The following HP1BP3 variants were observed in gnomAD, a reference collection of about 807,000 sequenced individuals.
HP1BP3 encodes the protein heterochromatin protein 1 binding protein 3.
A neutral mutation model predicts 62.5 loss-of-function variants in HP1BP3; 12 were observed. The ratio of observed to expected loss-of-function variants is 0.19; its 90% CI spans 0.12 to 0.31. The LOEUF (loss-of-function observed/expected upper bound fraction) is 0.31, where lower values mean the gene tolerates loss of function less well. HP1BP3 is among the 10% of genes least tolerant of loss of function. The probability of loss-of-function intolerance (pLI) is 1.00; values close to 1 mark genes in which losing one functional copy is unlikely to be tolerated. For missense variants in HP1BP3, 502 were observed against 651.8 expected, an observed-to-expected ratio of 0.77 and a Z score of 2.50; for synonymous variants, 260 against 237.8, an observed-to-expected ratio of 1.09 and a Z score of -0.86.
At chr1:20,753,003 G>A (rs1401695206) in intron 9 of HP1BP3, among the ~76,000 whole-genome samples, 3 of 151,836 alleles carry the variant, frequency 2.0e-5, no homozygotes, top group African/African-American at 4.8e-5. Flanking sequence ...GTGCAGTGGC[G>A]TGATCTTGGC....
intron 6 of HP1BP3, among the ~76,000 whole-genome samples, chr1:20,769,539 G>C (rs894786496): frequency 1.3e-5 from 2 of 152,096 alleles, no homozygotes; most frequent in Admixed American, 6.6e-5. Context: ...GCCTGGGCCA[G>C]AGTGAGATCC....
At chr1:20,757,739 T>G (rs1335490249) in intron 8 of HP1BP3, among the ~76,000 whole-genome samples, 1 of 151,806 alleles carries the variant, frequency 6.6e-6, no homozygotes, top group Non-Finnish European at 1.5e-5. Flanking sequence ...AAAGACACCT[T>G]CTTCAAGGCC....
chr1:20,783,497 G>A (rs909692303), intron 1 of HP1BP3, among the ~76,000 whole-genome samples: 1 of 151,222 alleles, frequency 6.6e-6, no homozygotes, highest in Non-Finnish European at 1.5e-5. Flanking sequence ...CCAAGCCTGG[G>A]TGAAGAGTGA....
At position 20,770,919 on chromosome 1, in the gene HP1BP3, T is replaced by C. The variant is rs1467321209; in HGVS notation, c.654+11A>G. On this transcript the variant is annotated intron_variant, in intron 6 of 12. Coordinates refer to ENST00000438032, the MANE Select transcript of HP1BP3 (RefSeq NM_001372052.1). Reference sequence around the variant, plus strand: ...AATGAAATGATCTTACTACTAACAATTGTGTAATACCTGTTTGATGACTCC... The same window carrying C: ...AATGAAATGATCTTACTACTAACAACTGTGTAATACCTGTTTGATGACTCC... 8 of 1,577,294 alleles carry C rather than the reference T, an allele frequency of 5.1e-6. No individual in the cohort carries two copies. Among genetic ancestry groups the C allele is most frequent in the Middle Eastern group, 1.7e-4 (1 of 5,966 alleles).
chr1:20,755,358 A>G (rs1186470262), intron 9 of HP1BP3: 1 of 454,074 alleles, frequency 2.2e-6, no homozygotes, highest in Non-Finnish European at 4.4e-6. Context: ...ACTTCACTGA[A>G]CCCAGGAGTT....
chr1:20,776,742 T>C lies in HP1BP3; in HGVS notation c.205A>G (p.Ile69Val), dbSNP rs576646836. 25 of 1,608,220 alleles carry C rather than the reference T, an allele frequency of 1.6e-5. No individual in the cohort carries two copies. The highest frequency in any genetic ancestry group is 1.9e-5 in the Non-Finnish European group (22 of 1,177,910). Residue 69 changes from isoleucine to valine, a missense_variant, in exon 4 of 13, where the codon ATA (isoleucine) becomes GTA (valine). Ile to Val is a conservative substitution (Grantham distance 29). Transcript: ENST00000438032. The stretch of plus-strand genomic sequence containing the variant: ...GTGGAGACAGATTCCTCTGAACTTA[T>C]GTCTGGTTCTAAAAAATCAGGTGAG... ...EGEEEKPEPDISSEESVSTVE... is the reference protein window; with the variant it reads ...EGEEEKPEPDVSSEESVSTVE...
chr1:20,776,505 TA>T, intron 4 of HP1BP3, 91 bp downstream of exon 4: 1 of 1,152,848 alleles, frequency 8.7e-7, no homozygotes, highest in Non-Finnish European at 1.2e-6. Context: ...ATACCTAGCA[TA>T]AACCAATGTT....
Position 20,740,325 on chromosome 1 carries a change from T to C in HP1BP3, c.*4472A>G, listed in dbSNP as rs1188640338. Among the ~76,000 whole-genome samples the C allele has an allele frequency of 6.6e-6, 1 of 151,806 alleles. No individual in the cohort carries two copies. The highest frequency in any genetic ancestry group is 1.5e-5 in the Non-Finnish European group (1 of 68,036). ...AGTGTTAATTATACATTATATACAA[T>C]ATCAGGAAAAAAAAGAGTTGTAATT... On this transcript the variant is annotated 3_prime_UTR_variant, in exon 13 of 13. Transcript: ENST00000438032.
Position 20,779,868 on chromosome 1 carries a change from G to A in HP1BP3, c.140C>T (p.Ser47Phe), listed in dbSNP as rs763911758. ...GCTTTTGGGAGGAGTTTCCCGGGTA[G>A]AATTCACAGTTCGACGAATCGGCAT... ...STMPIRRTVN[S>F]TRETPPKSKL... Residue 47 changes from serine to phenylalanine, a missense_variant, in exon 3 of 13, where the codon TCT becomes TTT. Physicochemically the swap from Ser to Phe is radical, Grantham distance 155. This residue lies in a region of HP1BP3 where 165 missense variants were observed against 156.4 expected (regional missense o/e 1.05). Transcript: ENST00000438032. The A allele has an allele frequency of 1.9e-6, 3 of 1,613,622 alleles. No homozygotes were observed. The highest frequency in any genetic ancestry group is 3.3e-5 in the Admixed American group (2 of 59,992).
intron 6 of HP1BP3, among the ~76,000 whole-genome samples, chr1:20,768,691 T>C (rs2056906850): frequency 1.3e-5 from 2 of 151,926 alleles, no homozygotes; most frequent in South Asian, 4.2e-4. Context: ...AATACAAAAA[T>C]TAGCTGGGTG....
rs1202063267 is a variant in HP1BP3, at chr1:20,776,678, G to C, written c.269C>G (p.Ser90Trp). 3 of 1,613,676 alleles carry C rather than the reference G, an allele frequency of 1.9e-6. No individual in the cohort carries two copies. The highest frequency in any genetic ancestry group is 2.2e-5 in the East Asian group (1 of 44,864). Residue 90 changes from serine (S) to tryptophan (W), a missense_variant, in exon 4 of 13, where the codon TCG (serine) becomes TGG (tryptophan). Coordinates refer to ENST00000438032, the MANE Select transcript of HP1BP3 (RefSeq NM_001372052.1). ...EQENETPPATSSEAEQPKGEP... is the reference protein window; with the variant it reads ...EQENETPPATWSEAEQPKGEP... ...CCCCTTTGGCTGCTCTGCCTCACTC[G>C]AAGTAGCAGGTGGAGTTTCATTCTC...
At chr1:20,786,115 A>C (rs1488485594) in intron 1 of HP1BP3, 1 of 152,248 alleles carries the variant, frequency 6.6e-6, no homozygotes, top group Non-Finnish European at 1.5e-5. Flanking sequence ...ACTCTTTCTC[A>C]AAAAGGTTAA....
At chr1:20,764,195 C>T (rs2056641935) in intron 8 of HP1BP3, among the ~76,000 whole-genome samples, 1 of 152,006 alleles carries the variant, frequency 6.6e-6, no homozygotes, top group African/African-American at 2.4e-5. Context: ...TTTCTTACAA[C>T]CCTGAAGCTT....
chr1:20,780,048 C>G (rs753556304), intron 2 of HP1BP3, 137 bp from the exon 3 acceptor site: 2 of 643,468 alleles, frequency 3.1e-6, no homozygotes, highest in Admixed American at 3.2e-5. Context: ...TTACTTTTAA[C>G]AAGTTTTTTT....
intron 9 of HP1BP3, among the ~76,000 whole-genome samples, chr1:20,754,857 A>G (rs1444956056): frequency 6.6e-6 from 1 of 152,278 alleles, no homozygotes; most frequent in Non-Finnish European, 1.5e-5. Context: ...AGCCAAAATT[A>G]TAAAACTCTT....
chr1:20,755,218 T>C (rs777204352), intron 9 of HP1BP3: 2 of 263,522 alleles, frequency 7.6e-6, no homozygotes, highest in Admixed American at 8.1e-5. Context: ...ATACCCTATA[T>C]CCACTAGTAT....
chr1:20,756,265 TAA>T (rs1337398623), intron 9 of HP1BP3, among the ~76,000 whole-genome samples: 3 of 152,228 alleles, frequency 2.0e-5, no homozygotes, highest in African/African-American at 2.4e-5. Flanking sequence ...CATCCTTTTC[TAA>T]TTGTATTTCT....
chr1:20,782,008 A>G (rs2057575198), intron 1 of HP1BP3, among the ~76,000 whole-genome samples: 2 of 152,252 alleles, frequency 1.3e-5, no homozygotes, highest in Admixed American at 6.5e-5. Context: ...AAACAATATC[A>G]CAATCAGGTT....
chr1:20,780,658 A>G (rs867212551), intron 1 of HP1BP3, 118 bp from the exon 2 acceptor site: 1 of 557,958 alleles, frequency 1.8e-6, no homozygotes, highest in Non-Finnish European at 3.2e-6. Context: ...TAGGTAAGTG[A>G]CAGATGATTT....
Sources: allele counts gnomAD v4.1 joint callset (sites outside exome capture counted in the v4.1 genomes callset), GRCh38; gene constraint gnomAD v4.1.1; regional missense constraint gnomAD v4.1.1; transcripts MANE v1.5; gene names NCBI Gene and HGNC (gene_info 2026-07-23, HGNC 2026-07-21).